Variants in OGDHL observed in about 807,000 individuals in gnomAD.
OGDHL encodes oxoglutarate dehydrogenase L, also known as 2-oxoglutarate dehydrogenase-like, mitochondrial.
OGDHL carries 79 observed loss-of-function variants against 109.6 expected under a neutral mutation model. The ratio of observed to expected loss-of-function variants is 0.72; its 90% confidence interval spans 0.60 to 0.87. OGDHL has a LOEUF of 0.87. Ranked by LOEUF, OGDHL falls within the 40% of genes least tolerant of loss-of-function variation. The probability of loss-of-function intolerance (pLI) is 0.00; values close to 1 mark genes in which losing one functional copy is unlikely to be tolerated. For missense variants in OGDHL, 1,275 were observed against 1,362.2 expected, an observed-to-expected ratio of 0.94 and a Z score of 1.01; for synonymous variants, 528 against 537.2, an observed-to-expected ratio of 0.98 and a Z score of 0.24.
chr10:49,746,494 C>A (rs1387032289), intron 10 of OGDHL, among the ~76,000 whole-genome samples: 2 of 152,212 alleles, frequency 1.3e-5, no homozygotes, highest in Non-Finnish European at 2.9e-5. Context: ...CCATGTGGGG[C>A]TGCACACGGC....
chr10:49,759,842 C>A (rs761062198), intron 1 of OGDHL, among the ~76,000 whole-genome samples: 27 of 152,222 alleles, frequency 1.8e-4, no homozygotes, highest in Non-Finnish European at 3.2e-4. Flanking sequence ...TCCCCTACCC[C>A]TGGACAGCTC....
Position 49,745,444 on chromosome 10 carries a change from T to C in OGDHL, c.1529A>G (p.Gln510Arg). The C allele has an allele frequency of 6.2e-7, 1 of 1,614,156 alleles. No homozygotes were observed. Among genetic ancestry groups the C allele is most frequent in the South Asian group, 1.1e-5 (1 of 91,090 alleles). ...HNEMDEPMFT[Q>R]PLMYKQIHRQ... ...GTGGATCTGCTTGTACATGAGCGGCTGGGTGAACATGGGCTCGTCCATCTC... is the reference window on the plus strand; with the variant it reads ...GTGGATCTGCTTGTACATGAGCGGCCGGGTGAACATGGGCTCGTCCATCTC... The change falls in exon 12 of 23, where the codon CAG becomes CGG. Residue 510 changes from glutamine to arginine, a missense_variant. Physicochemically the swap from Gln to Arg is conservative, Grantham distance 43. Transcript: ENST00000374103.
At chr10:49,736,312 C>A (rs754778396) in intron 21 of OGDHL, 45 bp downstream of exon 21, 1 of 1,608,258 alleles carries the variant, frequency 6.2e-7, no homozygotes, top group Non-Finnish European at 8.5e-7. Context: ...GGGCCAGCGA[C>A]GTGAGCTTGC....
chr10:49,749,860 G>A (rs762369011), intron 7 of OGDHL, 44 bp from the exon 8 acceptor site: 1 of 1,520,060 alleles, frequency 6.6e-7, no homozygotes, highest in African/African-American at 1.4e-5. Context: ...AAGCCCGCAG[G>A]CCTCAGGGTT....
chr10:49,739,417 A>G (rs944486416), intron 17 of OGDHL: 7 of 464,632 alleles, frequency 1.5e-5, no homozygotes, highest in Non-Finnish European at 2.7e-5. Flanking sequence ...ATTCAGAAGC[A>G]TTGAACAGTG....
intron 3 of OGDHL, among the ~76,000 whole-genome samples, chr10:49,754,185 C>T (rs1462825823): frequency 6.6e-6 from 1 of 152,158 alleles, no homozygotes; most frequent in Non-Finnish European, 1.5e-5. Context: ...CTGGAATAGG[C>T]AGAAATGTAC....
intron 1 of OGDHL, among the ~76,000 whole-genome samples, chr10:49,760,272 G>T (rs1460210650): frequency 6.6e-6 from 1 of 152,222 alleles, no homozygotes. Context: ...GAGGCTTCGG[G>T]TCATGTGGCC....
At chr10:49,739,935 C>T (rs1209099141) in intron 16 of OGDHL, 96 bp from the exon 17 acceptor site, 4 of 1,271,802 alleles carry the variant, frequency 3.1e-6, no homozygotes, top group Non-Finnish European at 4.3e-6. Flanking sequence ...CTCCATGCCC[C>T]CACCCATCCT....
At chr10:49,756,730 C>T in intron 3 of OGDHL, 46 bp downstream of exon 3, 3 of 1,568,260 alleles carry the variant, frequency 1.9e-6, no homozygotes, top group Non-Finnish European at 8.7e-7. Flanking sequence ...GGCCACACCC[C>T]AGGAGCCAGT....
intron 8 of OGDHL, 36 bp from the exon 9 acceptor site, chr10:49,747,244 C>G: frequency 6.2e-7 from 1 of 1,602,500 alleles, no homozygotes; most frequent in Non-Finnish European, 8.5e-7. Context: ...GGATCCTCCC[C>G]TCCCACATCA....
intron 2 of OGDHL, among the ~76,000 whole-genome samples, chr10:49,757,616 T>A (rs923169646): frequency 1.3e-5 from 2 of 152,106 alleles, no homozygotes; most frequent in Non-Finnish European, 2.9e-5. Flanking sequence ...GAACCAGATG[T>A]CCATCAGCAG....
intron 10 of OGDHL, among the ~76,000 whole-genome samples, chr10:49,746,367 T>C (rs1432139391): frequency 2.0e-5 from 3 of 152,222 alleles, no homozygotes; most frequent in African/African-American, 7.2e-5. Context: ...TCAAGGACGA[T>C]GACGTGACTT....
At chr10:49,746,319 TA>T (rs1049633966) in intron 10 of OGDHL, among the ~76,000 whole-genome samples, 36 of 152,164 alleles carry the variant, frequency 2.4e-4, no homozygotes, top group African/African-American at 8.4e-4. Flanking sequence ...TCCTCATCTA[TA>T]AAAAGGGGTC....
At position 49,740,795 on chromosome 10, in the gene OGDHL, C is replaced by A. The variant is rs757315285; in HGVS notation, c.2055G>T (p.Arg685Ser). ...HVLHDQEVDR[R>S]TCVPMNHLWP... Reference sequence around the variant, plus strand: ...AGAGATGATTCATAGGCACACACGTCCTGCGGTCAACCTCCTGGTCATGGA... The same window carrying A: ...AGAGATGATTCATAGGCACACACGTACTGCGGTCAACCTCCTGGTCATGGA... Residue 685 changes from arginine (R) to serine (S), a missense_variant, in exon 16 of 23, where the codon AGG (arginine) becomes AGT (serine). Physicochemically the swap from Arg to Ser is moderately radical, Grantham distance 110 (BLOSUM62 -1). Transcript: ENST00000374103. The A allele has an allele frequency of 6.2e-7, 1 of 1,613,962 alleles. No homozygotes were observed. Among genetic ancestry groups the A allele is most frequent in the Non-Finnish European group, 8.5e-7 (1 of 1,179,856 alleles).
rs149391137 is a variant in OGDHL at position 49,758,518 on chromosome 10, C to T, written c.75G>A (p.Pro25=). Residue 25 remains proline, a synonymous_variant, in exon 2 of 23, where the codon CCG becomes CCA. Coordinates refer to ENST00000374103, the MANE Select transcript of OGDHL (RefSeq NM_018245.3). ...AGGACCTGCTGCGCCAGCCAAACAC[C>T]GGGACGTCATGTGCAGCCAGGAGCC... ...AARLLAAHDV[P]VFGWRSRSSG... 6.8e-6 allele frequency: 11 copies of T among 1,613,874 alleles called. No homozygotes were observed. Among genetic ancestry groups the T allele is most frequent in the African/African-American group, 5.3e-5 (4 of 75,046 alleles).
intron 4 of OGDHL, among the ~76,000 whole-genome samples, 184 bp from the exon 5 acceptor site, chr10:49,752,432 G>C (rs2133073101): frequency 6.6e-6 from 1 of 152,296 alleles, no homozygotes; most frequent in African/African-American, 2.4e-5. Context: ...TCTCAGGCTT[G>C]AACACATGGG....
intron 17 of OGDHL, chr10:49,739,091 CT>C (rs1841442486): frequency 6.5e-6 from 1 of 152,810 alleles, no homozygotes; most frequent in Admixed American, 6.5e-5. Context: ...TGTCTCCCTT[CT>C]GCCTGGTCAG....
chr10:49,752,391 A>T (rs1842664575), intron 4 of OGDHL, 143 bp from the exon 5 acceptor site: 1 of 722,714 alleles, frequency 1.4e-6, no homozygotes, highest in Non-Finnish European at 2.4e-6. Flanking sequence ...CAGAAGTGAG[A>T]GTGAGCCCAG....
chr10:49,752,519 T>C lies in OGDHL; in HGVS notation c.478+119A>G, dbSNP rs1200470939. On this transcript the variant is annotated intron_variant, in intron 4 of 22. Transcript: ENST00000374103. ...CACAGGCAAGGTAGAAAGGAGGCCC[T>C]GTGGGCTGCTCCCCGAGCTCCATGG... is the stretch of plus-strand genomic sequence containing the variant. 5 of 865,170 alleles carry C rather than the reference T, an allele frequency of 5.8e-6. No individual in the cohort carries two copies. The East Asian group carries it at 7.4e-5, about 13-fold the overall frequency. 53.6% of individuals were successfully genotyped at this position (865,170 alleles called of 1,614,324 possible).
Sources: allele counts gnomAD v4.1 joint callset (sites outside exome capture counted in the v4.1 genomes callset), GRCh38; gene constraint gnomAD v4.1.1; transcripts MANE v1.5; gene names NCBI Gene and HGNC (gene_info 2026-07-23, HGNC 2026-07-21).